PLXNA4: variants seen among roughly 807,000 people sequenced by gnomAD.
PLXNA4 encodes plexin A4.
Under a neutral mutation model 191.8 loss-of-function variants are expected in PLXNA4, and 44 were observed. That is an observed-to-expected ratio of 0.23 (90% CI 0.18 to 0.29). PLXNA4 has a LOEUF of 0.29. Ranked by LOEUF, PLXNA4 falls within the 10% of genes least tolerant of loss-of-function variation. The pLI, the probability that PLXNA4 is intolerant of heterozygous loss-of-function variation, is 1.00. For missense variants in PLXNA4, 1,800 were observed against 2,488.8 expected, an observed-to-expected ratio of 0.72 and a Z score of 5.89; for synonymous variants, 1,082 against 1,009.5, an observed-to-expected ratio of 1.07 and a Z score of -1.36.
chr7:132,445,741 C>T (rs1795884299), intron 3 of PLXNA4, among the ~76,000 whole-genome samples: 16 of 152,142 alleles, frequency 1.1e-4, no homozygotes, highest in Admixed American at 1.0e-3. Flanking sequence ...CCTAGAAATG[C>T]CACTGACCCC....
intron 3 of PLXNA4, among the ~76,000 whole-genome samples, chr7:132,412,368 C>G (rs909646581): frequency 6.6e-6 from 1 of 152,158 alleles, no homozygotes; most frequent in African/African-American, 2.4e-5. Flanking sequence ...ATACAACAGT[C>G]AAGAAGTCAG....
chr7:132,300,265 C>T, intron 3 of PLXNA4, among the ~76,000 whole-genome samples: 1 of 152,070 alleles, frequency 6.6e-6, no homozygotes, highest in Non-Finnish European at 1.5e-5. Flanking sequence ...CCACCAGTTA[C>T]ATGAGAGTCC....
chr7:132,557,996 T>C (rs1240813409), intron 1 of PLXNA4, among the ~76,000 whole-genome samples: 2 of 152,176 alleles, frequency 1.3e-5, no homozygotes, highest in Non-Finnish European at 1.5e-5. Context: ...TGCAAATGTG[T>C]CTAAGACAAT....
In PLXNA4 at chr7:132,165,147, T is replaced by G; in HGVS notation, c.4340A>C (p.Tyr1447Ser). ...ATCCAACCCTACCTTGAGGAACTTGTAGAGGAGGAAAGTAAACCAATTGGT... is the reference window on the plus strand; with the variant it reads ...ATCCAACCCTACCTTGAGGAACTTGGAGAGGAGGAAAGTAAACCAATTGGT... ...MLTNWFTFLL[Y>S]KFLKECAGEP... Residue 1447 changes from tyrosine to serine, a missense_variant, in exon 23 of 32, where the codon TAC becomes TCC. Coordinates refer to ENST00000321063, the MANE Select transcript of PLXNA4 (RefSeq NM_020911.2). The G allele has an allele frequency of 6.2e-7, 1 of 1,613,074 alleles. No individual in the cohort carries two copies. Among genetic ancestry groups the G allele is most frequent in the Non-Finnish European group, 8.5e-7 (1 of 1,179,398 alleles).
intron 3 of PLXNA4, among the ~76,000 whole-genome samples, chr7:132,362,110 C>T (rs1218710785): frequency 1.3e-5 from 2 of 152,114 alleles, no homozygotes; most frequent in Non-Finnish European, 2.9e-5. Flanking sequence ...AGGTCCTCTC[C>T]CCTCCCCTGG....
chr7:132,348,332 C>T (rs1477414626), intron 3 of PLXNA4, among the ~76,000 whole-genome samples: 1 of 152,218 alleles, frequency 6.6e-6, no homozygotes, highest in African/African-American at 2.4e-5. Flanking sequence ...GAGGAACCCA[C>T]AGACCTAAGA....
chr7:132,590,175 C>T (rs1487002838), intron 2 of PLXNA4, among the ~76,000 whole-genome samples: 1 of 152,146 alleles, frequency 6.6e-6, no homozygotes, highest in Non-Finnish European at 1.5e-5. Context: ...GCTATATGAA[C>T]CAAGCCTGGT....
Position 132,125,234 on chromosome 7 carries a change from C to T in PLXNA4, c.*5245G>A, listed in dbSNP as rs997043515. On this transcript the variant is annotated 3_prime_UTR_variant, in exon 32 of 32. Transcript: ENST00000321063. ...TGAGGCTGTGTCTCAGCTCCCCACTCTATAAAATAAGGCTCTTGTTTCCTA... is the reference window on the plus strand; with the variant it reads ...TGAGGCTGTGTCTCAGCTCCCCACTTTATAAAATAAGGCTCTTGTTTCCTA... 6.6e-6 allele frequency: 1 copy of T among 152,148 alleles called. No individual in the cohort carries two copies. Among genetic ancestry groups the T allele is most frequent in the African/African-American group, 2.4e-5 (1 of 41,424 alleles). 9.4% of individuals were successfully genotyped at this position (152,148 alleles called of 1,614,324 possible).
Position 132,598,670 on chromosome 7 carries a change from T to TC in PLXNA4, c.-87+47257dup, listed in dbSNP as rs201898976. Among the ~76,000 whole-genome samples the TC allele has an allele frequency of 6.2e-3, 941 of 152,256 alleles. 17 individuals are homozygous for TC. The highest frequency in any genetic ancestry group is 0.021 in the African/African-American group (860 of 41,492). ...TGATTTGCAAGAATTTCCTGTGAATTCTAAATAACAGTGCTCTGTCAGTTT... is the reference window on the plus strand; with the variant it reads ...TGATTTGCAAGAATTTCCTGTGAATTCCTAAATAACAGTGCTCTGTCAGTTT... On this transcript the variant is annotated intron_variant, in intron 2 of 4. Coordinates refer to the PLXNA4 transcript ENST00000378539.
intron 3 of PLXNA4, among the ~76,000 whole-genome samples, chr7:132,410,484 C>T (rs139683066): frequency 6.6e-6 from 1 of 152,302 alleles, no homozygotes; most frequent in African/African-American, 2.4e-5. Context: ...CAGGGATAAC[C>T]GTTAGAACTG....
chr7:132,271,814 GAGTT>G (rs1044384011), intron 4 of PLXNA4, among the ~76,000 whole-genome samples: 8 of 152,188 alleles, frequency 5.3e-5, no homozygotes, highest in East Asian at 1.9e-4. Context: ...GTTGGGGAAA[GAGTT>G]AGAGGTGAAA....
intron 29 of PLXNA4, among the ~76,000 whole-genome samples, chr7:132,142,597 CG>C (rs1795303071): frequency 2.0e-5 from 3 of 152,176 alleles, no homozygotes; most frequent in Admixed American, 6.5e-5. Context: ...GTGTGCAGGG[CG>C]GGACTCAGGC....
intron 3 of PLXNA4, chr7:132,485,045 A>T: frequency 6.2e-7 from 1 of 1,605,132 alleles, no homozygotes; most frequent in Non-Finnish European, 8.5e-7. Flanking sequence ...ATTTTAAAAC[A>T]GGCTTGAGAA....
At position 132,125,148 on chromosome 7, in the gene PLXNA4, C is replaced by T. The variant is rs1794734594; in HGVS notation, c.*5331G>A. On this transcript the variant is annotated 3_prime_UTR_variant, in exon 32 of 32. Transcript: ENST00000321063. ...CCTGTCAAGAGCATGCCACCCTTAG[C>T]ACCATGAGGAGAGGTTTGCAGAGTG... is the stretch of plus-strand genomic sequence containing the variant. The T allele has an allele frequency of 1.3e-5, 2 of 152,124 alleles. No individual in the cohort carries two copies. The highest frequency in any genetic ancestry group is 1.3e-4 in the Admixed American group (2 of 15,266). 9.4% of individuals were successfully genotyped at this position (152,124 alleles called of 1,614,324 possible). A position where few individuals can be genotyped will look rare whatever the true frequency, so the allele number is the denominator to read the frequency against.
intron 3 of PLXNA4, among the ~76,000 whole-genome samples, chr7:132,328,600 C>T (rs576978803): frequency 2.0e-5 from 3 of 152,298 alleles, no homozygotes; most frequent in African/African-American, 4.8e-5. Flanking sequence ...ACAGATTCCT[C>T]GCCTTGGAGA....
intron 3 of PLXNA4, among the ~76,000 whole-genome samples, chr7:132,377,012 C>T (rs1804684400): frequency 6.6e-6 from 1 of 152,228 alleles, no homozygotes; most frequent in South Asian, 2.1e-4. Flanking sequence ...GCAAAAACTC[C>T]TTTCCCAGGC....
intron 3 of PLXNA4, among the ~76,000 whole-genome samples, chr7:132,298,630 G>T (rs1801195063): frequency 6.6e-6 from 1 of 152,258 alleles, no homozygotes; most frequent in South Asian, 2.1e-4. Flanking sequence ...TTTGTTAGCA[G>T]AAAAACATGT....
rs143659267 is a variant in PLXNA4 at position 132,279,727 on chromosome 7, T to C, written c.1503+18364A>G. ...CCAGTTAGCTTTACTCTATGTTTAA[T>C]ACTTCACCTGCTACTCCACTGCCAC... On this transcript the variant is annotated intron_variant, in intron 4 of 31. Transcript: ENST00000321063. 8.3e-3 allele frequency among the ~76,000 whole-genome samples: 1,271 copies of C among 152,286 alleles called. 9 individuals carry two copies. Among genetic ancestry groups the C allele is most frequent in the Admixed American group, 0.014 (213 of 15,298 alleles).
At chr7:132,243,179 T>G (rs971113822) in intron 4 of PLXNA4, among the ~76,000 whole-genome samples, 3 of 152,120 alleles carry the variant, frequency 2.0e-5, no homozygotes, top group African/African-American at 7.2e-5. Flanking sequence ...CAAAACATAA[T>G]GCACAGAGGG....
Sources: gnomAD v4.1 joint callset for allele counts (sites outside exome capture counted in the v4.1 genomes callset) on GRCh38, gnomAD v4.1.1 for gene constraint, MANE v1.5 for transcripts, NCBI Gene and HGNC (gene_info 2026-07-23, HGNC 2026-07-21) for gene names.